Variants in ASCC3 observed in about 807,000 individuals in gnomAD.
ASCC3 encodes the protein activating signal cointegrator 1 complex subunit 3.
A neutral mutation model predicts 256.3 loss-of-function variants in ASCC3; 158 were observed. The ratio of observed to expected loss-of-function variants is 0.62; its 90% CI spans 0.54 to 0.70. The LOEUF (loss-of-function observed/expected upper bound fraction) is 0.70, where lower values mean the gene tolerates loss of function less well. Ranked by LOEUF, ASCC3 falls within the 30% of genes least tolerant of loss-of-function variation. The pLI, the probability that ASCC3 is intolerant of heterozygous loss-of-function variation, is 0.00. For synonymous variants in ASCC3, 948 were observed against 883.4 expected, an observed-to-expected ratio of 1.07 and a Z score of -1.30; for missense variants, 2,259 against 2,626.0, an observed-to-expected ratio of 0.86 and a Z score of 3.05.
chr6:100,696,216 C>T (rs1778075232), intron 13 of ASCC3, among the ~76,000 whole-genome samples: 1 of 151,876 alleles, frequency 6.6e-6, no homozygotes, highest in Non-Finnish European at 1.5e-5. Context: ...TCTTTCCATC[C>T]CCTCTCACTT....
At chr6:100,650,794 G>T in intron 19 of ASCC3, 80 bp from the exon 20 acceptor site, 1 of 1,121,922 alleles carries the variant, frequency 8.9e-7, no homozygotes, top group Non-Finnish European at 1.3e-6. Flanking sequence ...TACATTGCAT[G>T]TTTTTAAAGA....
intron 25 of ASCC3, among the ~76,000 whole-genome samples, chr6:100,631,510 T>C (rs1416839237): frequency 6.6e-6 from 1 of 151,906 alleles, no homozygotes; most frequent in Non-Finnish European, 1.5e-5. Flanking sequence ...TCAGGCATTT[T>C]ACTATGAAAT....
chr6:100,806,852 T>C (rs1770209775), intron 4 of ASCC3, among the ~76,000 whole-genome samples: 1 of 151,954 alleles, frequency 6.6e-6, no homozygotes, highest in African/African-American at 2.4e-5. Flanking sequence ...GCCAGTACTT[T>C]TTATTGAACA....
Position 100,508,714 on chromosome 6 carries a change from A to C in ASCC3, c.*672T>G, listed in dbSNP as rs1392037212. 1 of 152,278 alleles carries C rather than the reference A, an allele frequency of 6.6e-6. No homozygotes were observed. Among genetic ancestry groups the C allele is most frequent in the Non-Finnish European group, 1.5e-5 (1 of 68,076 alleles). 9.4% of individuals were successfully genotyped at this position (152,278 alleles called of 1,614,324 possible). A position where few individuals can be genotyped will look rare whatever the true frequency, so the allele number is the denominator to read the frequency against. On this transcript the variant is annotated 3_prime_UTR_variant, in exon 42 of 42. Coordinates refer to ENST00000369162, the MANE Select transcript of ASCC3 (RefSeq NM_006828.4). The stretch of plus-strand genomic sequence containing the variant: ...GATATTATTTAAAGGAAGCAGAAGA[A>C]AACATTGAGTCAGCTTGTCTTGAAG...
At chr6:100,855,010 TCTA>T (rs1383252569) in intron 3 of ASCC3, among the ~76,000 whole-genome samples, 1 of 152,186 alleles carries the variant, frequency 6.6e-6, no homozygotes, top group Non-Finnish European at 1.5e-5. Flanking sequence ...TTAAAATGCC[TCTA>T]CTAAGGAATG....
chr6:100,831,337 G>GA (rs551825217), intron 4 of ASCC3, among the ~76,000 whole-genome samples: 41 of 148,098 alleles, frequency 2.8e-4, no homozygotes, highest in South Asian at 1.5e-3. Context: ...AAAAAAAAAG[G>GA]AAAAAAAACA....
chr6:100,543,527 G>A (rs1775566370), intron 36 of ASCC3, among the ~76,000 whole-genome samples: 1 of 152,038 alleles, frequency 6.6e-6, no homozygotes, highest in Admixed American at 6.6e-5. Flanking sequence ...GATATACTAT[G>A]CTAACAGTAG....
At chr6:100,654,333 G>A (rs1775818277) in intron 17 of ASCC3, among the ~76,000 whole-genome samples, 1 of 149,086 alleles carries the variant, frequency 6.7e-6, no homozygotes. Context: ...AAGATTTTCT[G>A]ACGTATAAAG....
intron 13 of ASCC3, among the ~76,000 whole-genome samples, chr6:100,681,206 T>G (rs908790057): frequency 6.6e-6 from 1 of 152,084 alleles, no homozygotes; most frequent in African/African-American, 2.4e-5. Context: ...TTAGGTACAT[T>G]CAAAGTAAAG....
Position 100,638,601 on chromosome 6 carries a change from C to G in ASCC3, c.4122G>C (p.Lys1374Asn). 1 of 1,602,686 alleles carries G rather than the reference C, an allele frequency of 6.2e-7. No homozygotes were observed. The change falls in exon 25 of 42, where the codon AAG (lysine) becomes AAC (asparagine). Residue 1374 changes from lysine (K) to asparagine (N), a missense_variant and splice_region_variant. Physicochemically the swap from Lys to Asn is moderately conservative, Grantham distance 94. Around this residue, in one of 2 missense-constraint regions of ASCC3, gnomAD observed 1,839 missense variants for 2,206.7 expected, o/e 0.83. Transcript: ENST00000369162. Reference protein sequence around the residue: ...FRVFNKYPTSKAVYIAPLKAL... With the variant: ...FRVFNKYPTSNAVYIAPLKAL... ...TGTAAGTATGATTCTTTCAACAGAC[C>G]TTTGAAGTAGGGTATTTGTTGAAGA...
intron 37 of ASCC3, among the ~76,000 whole-genome samples, chr6:100,538,981 T>TC (rs1330092174): frequency 6.6e-6 from 1 of 152,056 alleles, no homozygotes; most frequent in African/African-American, 2.4e-5. Context: ...CTGACAATCA[T>TC]CCCCCAGTAA....
chr6:100,652,985 G>GCCCCATAATCACAGAACTCTAAAATA, intron 17 of ASCC3, 96 bp from the exon 18 acceptor site: 1 of 1,174,748 alleles, frequency 8.5e-7, no homozygotes, highest in Non-Finnish European at 1.2e-6. Flanking sequence ...TTTTCTTAAT[G>GCCCCATAATCACAGAACTCTAAAATA]TTTTAGTTAG....
At chr6:100,700,808 G>T (rs1275982090) in intron 13 of ASCC3, among the ~76,000 whole-genome samples, 1 of 152,178 alleles carries the variant, frequency 6.6e-6, no homozygotes, top group Non-Finnish European at 1.5e-5. Flanking sequence ...TCCAATGCCT[G>T]TACCCCATTG....
intron 13 of ASCC3, among the ~76,000 whole-genome samples, chr6:100,699,172 C>T (rs763870437): frequency 6.6e-6 from 1 of 152,158 alleles, no homozygotes; most frequent in Non-Finnish European, 1.5e-5. Flanking sequence ...TGTGTCCCCA[C>T]ACAAATCTCA....
chr6:100,632,814 A>G (rs1188053435), intron 25 of ASCC3, among the ~76,000 whole-genome samples: 1 of 152,142 alleles, frequency 6.6e-6, no homozygotes, highest in Non-Finnish European at 1.5e-5. Flanking sequence ...ACAAAAATTA[A>G]CTCACAATGG....
At chr6:100,529,635 A>G (rs1314130708) in intron 37 of ASCC3, among the ~76,000 whole-genome samples, 1 of 152,232 alleles carries the variant, frequency 6.6e-6, no homozygotes, top group Non-Finnish European at 1.5e-5. Flanking sequence ...AAAAATGTAG[A>G]AATTTCTATG....
chr6:100,778,780 T>G (rs1380562759), intron 8 of ASCC3, among the ~76,000 whole-genome samples: 1 of 152,182 alleles, frequency 6.6e-6, no homozygotes, highest in Admixed American at 6.6e-5. Flanking sequence ...AATAACTTGG[T>G]GTTCCAAATG....
At chr6:100,739,236 A>C (rs1780316863) in intron 10 of ASCC3, among the ~76,000 whole-genome samples, 1 of 152,224 alleles carries the variant, frequency 6.6e-6, no homozygotes, top group Admixed American at 6.5e-5. Context: ...TATACAATGA[A>C]TCACATTTAT....
chr6:100,511,252 C>T (rs1773748694), intron 40 of ASCC3, among the ~76,000 whole-genome samples: 1 of 151,208 alleles, frequency 6.6e-6, no homozygotes, highest in Non-Finnish European at 1.5e-5. Context: ...CCAGCCTGGC[C>T]AACATAATAC....
Sources: allele counts gnomAD v4.1 joint callset (sites outside exome capture counted in the v4.1 genomes callset), GRCh38; gene constraint gnomAD v4.1.1; regional missense constraint gnomAD v4.1.1; transcripts MANE v1.5; gene names NCBI Gene and HGNC (gene_info 2026-07-23, HGNC 2026-07-21).